Variants in CHKA observed in about 807,000 individuals in gnomAD.
The protein encoded by CHKA is choline kinase alpha.
CHKA carries 34 observed loss-of-function variants against 60.1 expected under a neutral mutation model. That is an observed-to-expected ratio of 0.57 (90% CI 0.43 to 0.75). The LOEUF (loss-of-function observed/expected upper bound fraction) is 0.75. Ranked by LOEUF, CHKA falls within the 30% of genes least tolerant of loss-of-function variation. CHKA has a pLI of 0.00. For missense variants in CHKA, 563 were observed against 561.3 expected, an observed-to-expected ratio of 1.00 and a Z score of -0.03; for synonymous variants, 217 against 223.1, an observed-to-expected ratio of 0.97 and a Z score of 0.24.
At position 68,067,159 on chromosome 11, in the gene CHKA, G is replaced by A. The variant is rs1173645936; in HGVS notation, c.929-643C>T. ...CTGAGATCCCCACACTCGACATGATGTTCAGCATCTCCGACATCCTGCTGC... is the reference window on the plus strand; with the variant it reads ...CTGAGATCCCCACACTCGACATGATATTCAGCATCTCCGACATCCTGCTGC... On this transcript the variant is annotated intron_variant, in intron 7 of 11. Coordinates refer to ENST00000265689, the MANE Select transcript of CHKA (RefSeq NM_001277.3). 2.6e-5 allele frequency among the ~76,000 whole-genome samples: 4 copies of A among 152,210 alleles called. No individual in the cohort carries two copies. In the East Asian group the frequency reaches 7.7e-4, roughly 29 times the overall value.
At position 68,099,053 on chromosome 11, in the gene CHKA, T is replaced by C. The variant is rs1202870437; in HGVS notation, c.351-1923A>G. Among the ~76,000 whole-genome samples, 4 of 152,290 alleles carry C rather than the reference T, an allele frequency of 2.6e-5. No individual in the cohort carries two copies. In the South Asian group the frequency reaches 6.2e-4, roughly 24 times the overall value. On this transcript the variant is annotated intron_variant, in intron 1 of 11. Transcript: ENST00000265689. ...TACAACATGAAACTTAAAAACATTA[T>C]GCTAAGTGAAAGAAGACAGTCACAA...
intron 1 of CHKA, among the ~76,000 whole-genome samples, chr11:68,120,156 G>A (rs1165462121): frequency 2.0e-5 from 3 of 151,618 alleles, no homozygotes; most frequent in Non-Finnish European, 2.9e-5. Context: ...TTGAACACGG[G>A]AGGCCGTGGT....
chr11:68,087,783 T>C lies in CHKA; in HGVS notation c.463-6326A>G, dbSNP rs184277442. Among the ~76,000 whole-genome samples, 64 of 152,286 alleles carry C rather than the reference T, an allele frequency of 4.2e-4. No homozygotes were observed. In the East Asian group the frequency reaches 0.012, roughly 28 times the overall value. On this transcript the variant is annotated intron_variant, in intron 2 of 11. Transcript: ENST00000265689. Reference sequence around the variant, plus strand: ...ATAAAACGGTAGATTGATTGTGACCTTTTAAAAATGCTTTGAGACCTATAA... The same window carrying C: ...ATAAAACGGTAGATTGATTGTGACCCTTTAAAAATGCTTTGAGACCTATAA...
intron 2 of CHKA, among the ~76,000 whole-genome samples, chr11:68,090,705 G>T (rs1277729486): frequency 6.6e-6 from 1 of 152,072 alleles, no homozygotes; most frequent in Non-Finnish European, 1.5e-5. Context: ...CCTTTATTAT[G>T]GTTAGTACTC....
chr11:68,068,175 T>G (rs1376177832), intron 7 of CHKA, among the ~76,000 whole-genome samples: 4 of 151,620 alleles, frequency 2.6e-5, no homozygotes, highest in African/African-American at 9.7e-5. Flanking sequence ...GGAGAGGAGG[T>G]GTTAGGATTA....
chr11:68,089,465 A>G (rs936272900), intron 2 of CHKA, among the ~76,000 whole-genome samples: 3 of 152,196 alleles, frequency 2.0e-5, no homozygotes, highest in African/African-American at 7.2e-5. Context: ...CAAAATATAT[A>G]TGGTGTCTCC....
At chr11:68,059,038 A>T (rs1432181233) in intron 11 of CHKA, among the ~76,000 whole-genome samples, 1 of 152,200 alleles carries the variant, frequency 6.6e-6, no homozygotes, top group Non-Finnish European at 1.5e-5. Context: ...CTGGGATTAC[A>T]GGCATGTGCC....
In CHKA at chr11:68,081,829, C is replaced by T. The variant is rs184795763; in HGVS notation, c.463-372G>A. On this transcript the variant is annotated intron_variant, in intron 2 of 11. Coordinates refer to ENST00000265689, the MANE Select transcript of CHKA (RefSeq NM_001277.3). ...GCTGAGTCTCTCACCAATTTAGCTA[C>T]GTGGTTCTCTCAAGTCAACCTGCAA... 619 of 171,786 alleles carry T rather than the reference C, an allele frequency of 3.6e-3. 3 individuals are homozygous for T. Among genetic ancestry groups the T allele is most frequent in the African/African-American group, 7.9e-3 (333 of 42,214 alleles). 10.6% of individuals were successfully genotyped at this position (171,786 alleles called of 1,614,324 possible). A position where few individuals can be genotyped will look rare whatever the true frequency, so the allele number is the denominator to read the frequency against.
At chr11:68,080,817 G>C (rs1006697806) in intron 3 of CHKA, among the ~76,000 whole-genome samples, 3 of 152,230 alleles carry the variant, frequency 2.0e-5, no homozygotes, top group African/African-American at 7.2e-5. Flanking sequence ...GGGGCATGCA[G>C]ACCAACACCC....
chr11:68,120,981 G>A lies in CHKA; in HGVS notation c.197C>T (p.Pro66Leu), dbSNP rs1278966672. Residue 66 changes from proline to leucine, a missense_variant, in exon 1 of 12, where the codon CCG becomes CTG. Coordinates refer to ENST00000265689, the MANE Select transcript of CHKA (RefSeq NM_001277.3). ...CGGCGGGGGCTGGGGCAGCGGCAGC[G>A]GCAGCGGCAGCGGCGGCGGAGGGGG... ...ALPPPPPLPL[P>L]LPLPQPPPPQ... 2.4e-5 allele frequency: 27 copies of A among 1,117,966 alleles called. No homozygotes were observed. The highest frequency in any genetic ancestry group is 1.0e-4 in the East Asian group (2 of 19,970). 69.3% of individuals were successfully genotyped at this position (1,117,966 alleles called of 1,614,324 possible).
intron 2 of CHKA, among the ~76,000 whole-genome samples, chr11:68,092,281 T>A (rs1302420606): frequency 3.3e-5 from 5 of 152,258 alleles, no homozygotes; most frequent in African/African-American, 1.2e-4. Flanking sequence ...GACAATTTTT[T>A]ATCAATCCTG....
chr11:68,119,547 G>A (rs987184075), intron 1 of CHKA, among the ~76,000 whole-genome samples: 3 of 152,182 alleles, frequency 2.0e-5, no homozygotes, highest in African/African-American at 7.2e-5. Context: ...TCGGCTCACT[G>A]CAACCGCCGC....
chr11:68,054,184 C>T (rs1855911945), intron 11 of CHKA, 137 bp from the exon 12 acceptor site: 2 of 695,172 alleles, frequency 2.9e-6, no homozygotes, highest in South Asian at 1.8e-5. Flanking sequence ...CTGGCCTGTG[C>T]AGCAGGGCTG....
chr11:68,059,880 C>T (rs932530048), intron 11 of CHKA, among the ~76,000 whole-genome samples: 7 of 152,162 alleles, frequency 4.6e-5, no homozygotes, highest in African/African-American at 1.7e-4. Context: ...GTTTAATGAA[C>T]ATGCATGAGG....
intron 10 of CHKA, among the ~76,000 whole-genome samples, chr11:68,063,890 T>G (rs974190107): frequency 6.6e-6 from 1 of 152,226 alleles, no homozygotes; most frequent in African/African-American, 2.4e-5. Flanking sequence ...GATTGTTAAG[T>G]TTCCTGAGGC....
At chr11:68,108,524 C>T (rs1858004295) in intron 1 of CHKA, among the ~76,000 whole-genome samples, 1 of 152,204 alleles carries the variant, frequency 6.6e-6, no homozygotes, top group African/African-American at 2.4e-5. Flanking sequence ...GCGGGAGGAT[C>T]ACGAGGTCAG....
chr11:68,084,304 G>GTATATATATGTGTATA (rs1287357571), intron 2 of CHKA, among the ~76,000 whole-genome samples: 7 of 139,752 alleles, frequency 5.0e-5, no homozygotes, highest in East Asian at 4.2e-4. Context: ...ACGTATATGT[G>GTATATATATGTGTATA]TATATACATG....
At chr11:68,120,772 G>A in intron 1 of CHKA, 56 bp downstream of exon 1, 5 of 328,326 alleles carry the variant, frequency 1.5e-5, no homozygotes, top group Non-Finnish European at 2.0e-5. Flanking sequence ...ACCCCGCCCC[G>A]GCCCCGCCCC....
At chr11:68,091,250 T>G (rs1857339980) in intron 2 of CHKA, among the ~76,000 whole-genome samples, 1 of 152,250 alleles carries the variant, frequency 6.6e-6, no homozygotes, top group Non-Finnish European at 1.5e-5. Context: ...CAGGGTAGTT[T>G]TACAGTTGAG....
Sources: gnomAD v4.1 joint callset for allele counts (sites outside exome capture counted in the v4.1 genomes callset) on GRCh38, gnomAD v4.1.1 for gene constraint, MANE v1.5 for transcripts, NCBI Gene and HGNC (gene_info 2026-07-23, HGNC 2026-07-21) for gene names.